LAMA2: variants seen among roughly 807,000 people sequenced by gnomAD.
LAMA2 encodes the protein laminin subunit alpha-2.
A neutral mutation model predicts 364.8 loss-of-function variants in LAMA2; 269 were observed. That is an observed-to-expected ratio of 0.74 (90% CI 0.67 to 0.82). LAMA2 has a LOEUF of 0.82. Ranked by LOEUF, LAMA2 falls within the 40% of genes least tolerant of loss-of-function variation. The pLI, the probability that LAMA2 is intolerant of heterozygous loss-of-function variation, is 0.00. For synonymous variants in LAMA2, 1,379 were observed against 1,370.6 expected, an observed-to-expected ratio of 1.01 and a Z score of -0.14; for missense variants, 3,807 against 3,873.2, an observed-to-expected ratio of 0.98 and a Z score of 0.45.
rs764506187 is a variant in LAMA2 at position 129,481,346 on chromosome 6, G to A, written c.7656G>A (p.Leu2552=). The A allele has an allele frequency of 6.2e-7, 1 of 1,613,696 alleles. No individual in the cohort carries two copies. The highest frequency in any genetic ancestry group is 8.5e-7 in the Non-Finnish European group (1 of 1,179,694). ...TTGATGTAGGAACAGAAATCAACCTGTCATTCAGCACCAAGAATGAGTCCG... is the reference window on the plus strand; with the variant it reads ...TTGATGTAGGAACAGAAATCAACCTATCATTCAGCACCAAGAATGAGTCCG... ...VPIDVGTEIN[L]SFSTKNESGI... The change falls in exon 55 of 65, where the codon CTG becomes CTA. Residue 2552 remains leucine, a synonymous_variant. Coordinates refer to ENST00000421865, the MANE Select transcript of LAMA2 (RefSeq NM_000426.4).
chr6:129,303,554 A>T (rs1257335689), intron 22 of LAMA2, among the ~76,000 whole-genome samples: 1 of 152,132 alleles, frequency 6.6e-6, no homozygotes, highest in African/African-American at 2.4e-5. Flanking sequence ...TTTTACCTGT[A>T]GGTGCTTTTT....
chr6:129,144,164 A>AGT, intron 5 of LAMA2, 84 bp downstream of exon 5: 1 of 1,044,612 alleles, frequency 9.6e-7, no homozygotes, highest in Middle Eastern at 2.0e-4. Context: ...AAATGTTTTC[A>AGT]GTGATTTGTA....
chr6:129,226,226 G>A (rs2115112753), intron 12 of LAMA2, among the ~76,000 whole-genome samples: 1 of 152,276 alleles, frequency 6.6e-6, no homozygotes, highest in South Asian at 2.1e-4. Context: ...GCCTGTGTGT[G>A]TCTCTGCACA....
Position 129,516,296 on chromosome 6 carries a change from C to T in LAMA2, c.9318C>T (p.Ala3106=), listed in dbSNP as rs1342516974. Residue 3106 remains alanine, a synonymous_variant, in exon 65 of 65, where the codon GCC becomes GCT. Transcript: ENST00000421865. The stretch of plus-strand genomic sequence containing the variant: ...GCAAGCCACTGGAGGTTAATTTTGC[C>T]AAGGCCCTGGAACTGAGGGGCGTTC... The part of the protein sequence containing the change: ...GTGKPLEVNF[A]KALELRGVQP... 11 of 1,613,952 alleles carry T rather than the reference C, an allele frequency of 6.8e-6. No individual in the cohort carries two copies. The highest frequency in any genetic ancestry group is 8.5e-6 in the Non-Finnish European group (10 of 1,179,998).
chr6:129,269,909 A>T (rs556395931), intron 16 of LAMA2, among the ~76,000 whole-genome samples: 1 of 152,304 alleles, frequency 6.6e-6, no homozygotes, highest in South Asian at 2.1e-4. Context: ...AATTTGAGAA[A>T]GAATTTTAAA....
At chr6:129,013,604 T>C (rs1680046953) in intron 1 of LAMA2, among the ~76,000 whole-genome samples, 1 of 152,134 alleles carries the variant, frequency 6.6e-6, no homozygotes, top group Non-Finnish European at 1.5e-5. Flanking sequence ...TAGAAAGAAA[T>C]GTCATCAAGG....
chr6:129,382,768 G>A (rs1034792451), intron 34 of LAMA2, among the ~76,000 whole-genome samples: 4 of 152,126 alleles, frequency 2.6e-5, no homozygotes, highest in African/African-American at 9.7e-5. Context: ...AATAAAATAT[G>A]GACAAAACTG....
At chr6:128,908,601 A>G (rs1383808202) in intron 1 of LAMA2, among the ~76,000 whole-genome samples, 24 of 131,168 alleles carry the variant, frequency 1.8e-4, no homozygotes, top group Admixed American at 3.1e-4. Flanking sequence ...TGGATTCATT[A>G]ATTTTTTGAA....
intron 8 of LAMA2, among the ~76,000 whole-genome samples, chr6:129,157,137 C>G (rs1022807990): frequency 2.0e-5 from 3 of 152,150 alleles, no homozygotes; most frequent in Non-Finnish European, 2.9e-5. Flanking sequence ...AAGTCTATTT[C>G]TCCAACTCTG....
chr6:129,050,010 T>C lies in LAMA2; in HGVS notation c.205T>C (p.Leu69=), dbSNP rs774268198. ...AAAAGGACCTGAAATGTACTGCAAATTGGTAGAACATGTCCCTGGGCAGCC... is the reference window on the plus strand; with the variant it reads ...AAAAGGACCTGAAATGTACTGCAAACTGGTAGAACATGTCCCTGGGCAGCC... ...GEKGPEMYCK[L]VEHVPGQPVR... is the part of the protein sequence containing the mutation. The change falls in exon 2 of 65, where the codon TTG becomes CTG. Residue 69 remains leucine (L), a synonymous_variant. Transcript: ENST00000421865. The C allele has an allele frequency of 3.7e-6, 6 of 1,613,920 alleles. No individual in the cohort carries two copies. Among genetic ancestry groups the C allele is most frequent in the East Asian group, 2.2e-5 (1 of 44,872 alleles).
intron 1 of LAMA2, among the ~76,000 whole-genome samples, chr6:128,962,138 C>CCA (rs1781557329): frequency 2.8e-5 from 1 of 35,288 alleles, no homozygotes. Context: ...ATCCTCTGGA[C>CCA]CATATATATA....
At chr6:129,083,209 C>A (rs577580335) in intron 3 of LAMA2, among the ~76,000 whole-genome samples, 23 of 151,990 alleles carry the variant, frequency 1.5e-4, no homozygotes, top group South Asian at 4.2e-4. Context: ...TGTGAACATC[C>A]CCATGTAACT....
intron 55 of LAMA2, among the ~76,000 whole-genome samples, chr6:129,483,519 G>A (rs1784454197): frequency 6.6e-6 from 1 of 152,062 alleles, no homozygotes; most frequent in African/African-American, 2.4e-5. Context: ...TAGTCAACAT[G>A]TTAATGAAGA....
chr6:129,407,010 C>A (rs1047336795), intron 40 of LAMA2, among the ~76,000 whole-genome samples: 1 of 152,154 alleles, frequency 6.6e-6, no homozygotes, highest in Non-Finnish European at 1.5e-5. Flanking sequence ...TGTTCAAGGG[C>A]AGGAAGTATC....
chr6:129,226,220 G>A (rs1380469980), intron 12 of LAMA2, among the ~76,000 whole-genome samples: 13 of 152,174 alleles, frequency 8.5e-5, no homozygotes, highest in Admixed American at 2.0e-4. Flanking sequence ...TTTTGAGCCT[G>A]TGTGTGTCTC....
intron 4 of LAMA2, among the ~76,000 whole-genome samples, chr6:129,136,503 TGAGAGAGAGACAGA>T (rs1313398521): frequency 1.3e-5 from 2 of 148,822 alleles, no homozygotes; most frequent in African/African-American, 2.5e-5. Flanking sequence ...TGATACAACA[TGAGAGAGAGACAGA>T]GAGAGAGAGA....
rs565713586 is a variant in LAMA2, at chr6:129,229,893, C to T, written c.1783-20219C>T. On this transcript the variant is annotated intron_variant, in intron 12 of 64. Coordinates refer to ENST00000421865, the MANE Select transcript of LAMA2 (RefSeq NM_000426.4). ...ACAGGAGATCATGAACTCAGCTTAG[C>T]TAATTATATAAAGTTAGAGATGCCT... is the stretch of plus-strand genomic sequence containing the variant. 3.1e-3 allele frequency among the ~76,000 whole-genome samples: 470 copies of T among 152,160 alleles called. 2 individuals are homozygous for T. Among genetic ancestry groups the T allele is most frequent in the African/African-American group, 0.011 (459 of 41,516 alleles).
At chr6:129,485,750 A>G (rs1784555243) in intron 55 of LAMA2, among the ~76,000 whole-genome samples, 2 of 152,158 alleles carry the variant, frequency 1.3e-5, no homozygotes, top group Non-Finnish European at 2.9e-5. Context: ...GAACATGATG[A>G]TGTTTGATGG....
chr6:129,021,558 T>C (rs906254446), intron 1 of LAMA2, among the ~76,000 whole-genome samples: 1 of 151,876 alleles, frequency 6.6e-6, no homozygotes, highest in African/African-American at 2.4e-5. Context: ...ATATATAGAG[T>C]GTAGTTATTT....
Sources: allele counts gnomAD v4.1 joint callset (sites outside exome capture counted in the v4.1 genomes callset), GRCh38; gene constraint gnomAD v4.1.1; transcripts MANE v1.5; gene names NCBI Gene and HGNC (gene_info 2026-07-23, HGNC 2026-07-21).